The following ODR4 variants were observed in gnomAD, a reference collection of about 807,000 sequenced individuals.
ODR4 encodes the protein odr-4 GPCR localization factor homolog.
ODR4 carries 47 observed loss-of-function variants against 60.2 expected under a neutral mutation model. The observed-to-expected ratio is 0.78, with a 90% confidence interval of 0.62 to 1.00. The LOEUF (loss-of-function observed/expected upper bound fraction) is 1.00. ODR4 is among the 50% of genes least tolerant of loss of function. The probability of loss-of-function intolerance (pLI) is 0.00; values close to 1 mark genes in which losing one functional copy is unlikely to be tolerated. For missense variants in ODR4, 488 were observed against 530.8 expected, an observed-to-expected ratio of 0.92 and a Z score of 0.79; for synonymous variants, 178 against 175.5, an observed-to-expected ratio of 1.01 and a Z score of -0.11.
intron 11 of ODR4, chr1:186,400,631 G>C (rs981360754): frequency 1.2e-5 from 2 of 167,602 alleles, no homozygotes; most frequent in Admixed American, 1.3e-4. Context: ...AAAAAGCATA[G>C]CTCCTCTATA....
chr1:186,410,599 T>TA (rs1661342675), intron 12 of ODR4, among the ~76,000 whole-genome samples: 1 of 152,174 alleles, frequency 6.6e-6, no homozygotes, highest in Admixed American at 6.5e-5. Context: ...CCATCAAGAT[T>TA]AGTGATCAGA....
intron 11 of ODR4, among the ~76,000 whole-genome samples, chr1:186,402,109 C>T (rs16825292): frequency 0.045 from 6,873 of 151,876 alleles, 508 homozygotes; most frequent in African/African-American, 0.16. Context: ...TTTCTTTCTA[C>T]GAAGACAAGT....
intron 9 of ODR4, among the ~76,000 whole-genome samples, chr1:186,395,537 A>G (rs926017514): frequency 6.7e-4 from 102 of 152,102 alleles, no homozygotes; most frequent in Non-Finnish European, 5.9e-5. Flanking sequence ...AGTCTTATTG[A>G]TTCCTTATTT....
At chr1:186,429,644 A>G in the ODR4 span, among the ~76,000 whole-genome samples, 1 of 151,028 alleles carries the variant, frequency 6.6e-6, no homozygotes, top group Non-Finnish European at 1.5e-5. Context: ...TCTTTTACCT[A>G]CCCCTACAAT....
intron 7 of ODR4, 65 bp from the exon 8 acceptor site, chr1:186,391,631 A>G: frequency 1.0e-6 from 1 of 975,080 alleles, no homozygotes; most frequent in Non-Finnish European, 1.6e-6. Flanking sequence ...AACAAAGTAG[A>G]TTATAGGAAG....
Position 186,393,937 on chromosome 1 carries a change from G to A in ODR4, c.712-10G>A, listed in dbSNP as rs1252472397. Reference sequence around the variant, plus strand: ...CACAGTTTGGCTTTTTAACTTTTGTGTTTTTTCAGAAAAAATCTTCTAGAG... The same window carrying A: ...CACAGTTTGGCTTTTTAACTTTTGTATTTTTTCAGAAAAAATCTTCTAGAG... On this transcript the variant is annotated splice_polypyrimidine_tract_variant and intron_variant, in intron 8 of 13. Transcript: ENST00000287859. The A allele has an allele frequency of 1.3e-6, 2 of 1,483,984 alleles. No individual in the cohort carries two copies. The highest frequency in any genetic ancestry group is 1.8e-6 in the Non-Finnish European group (2 of 1,089,108). 91.9% of individuals were successfully genotyped at this position (1,483,984 alleles called of 1,614,324 possible). A position where few individuals can be genotyped will look rare whatever the true frequency, so the allele number is the denominator to read the frequency against.
the ODR4 span, among the ~76,000 whole-genome samples, chr1:186,434,378 G>A: frequency 6.6e-6 from 1 of 152,088 alleles, no homozygotes; most frequent in Non-Finnish European, 1.5e-5. Context: ...CCTCATAACT[G>A]TTAAATTGAA....
chr1:186,384,534 C>G (rs1660170576), intron 3 of ODR4, among the ~76,000 whole-genome samples: 1 of 150,564 alleles, frequency 6.6e-6, no homozygotes, highest in Non-Finnish European at 1.5e-5. Context: ...TAACTTTCTA[C>G]TCTAATTTTG....
intron 4 of ODR4, among the ~76,000 whole-genome samples, chr1:186,386,824 A>G (rs1571666266): frequency 6.6e-6 from 1 of 152,158 alleles, no homozygotes; most frequent in African/African-American, 2.4e-5. Flanking sequence ...TAAAACATAA[A>G]CAATCAGATT....
the ODR4 span, among the ~76,000 whole-genome samples, chr1:186,431,261 G>T: frequency 3.3e-5 from 5 of 152,124 alleles, no homozygotes; most frequent in African/African-American, 9.7e-5. Flanking sequence ...TGAAAATAAA[G>T]ATTTGTAAGA....
At chr1:186,400,030 C>T (rs1355505055) in intron 11 of ODR4, among the ~76,000 whole-genome samples, 3 of 117,274 alleles carry the variant, frequency 2.6e-5, no homozygotes, top group Admixed American at 1.2e-4. Context: ...TTCGCTCTGT[C>T]GCCCAGGCTG....
intron 9 of ODR4, among the ~76,000 whole-genome samples, chr1:186,394,441 A>T (rs1660593613): frequency 1.3e-5 from 2 of 152,186 alleles, no homozygotes; most frequent in Admixed American, 1.3e-4. Flanking sequence ...ATCACAAAGT[A>T]TTAATTAGCA....
Position 186,393,956 on chromosome 1 carries a change from T to A in ODR4, c.721T>A (p.Ser241Thr). 1.3e-6 allele frequency: 2 copies of A among 1,517,160 alleles called. No homozygotes were observed. The highest frequency in any genetic ancestry group is 1.8e-6 in the Non-Finnish European group (2 of 1,119,062). The allele number at this position is 1,517,160 out of a possible 1,614,324, so 94.0% of individuals were successfully genotyped here. ...TTTTGTGTTTTTTCAGAAAAAATCT[T>A]CTAGAGGAAATACTCAAGCAACTAG... ...CDLLEGQKKS[S>T]RGNTQATSHS... Residue 241 changes from serine to threonine, a missense_variant, in exon 9 of 14, where the codon TCT becomes ACT. Coordinates refer to ENST00000287859, the MANE Select transcript of ODR4 (RefSeq NM_017847.6).
Position 186,386,011 on chromosome 1 carries a change from A to C in ODR4, c.258A>C (p.Gly86=). The stretch of plus-strand genomic sequence containing the variant: ...AGGTATCCAGAATGCTACCAGGGGG[A>C]CTTTTAGTTCTTGGAGTATTTATTA... ...ACQVSRMLPG[G]LLVLGVFIIT... The change falls in exon 4 of 14, where the codon GGA becomes GGC. Residue 86 remains glycine, a synonymous_variant. Coordinates refer to ENST00000287859, the MANE Select transcript of ODR4 (RefSeq NM_017847.6). 1 of 1,601,740 alleles carries C rather than the reference A, an allele frequency of 6.2e-7. No homozygotes were observed. The highest frequency in any genetic ancestry group is 8.5e-7 in the Non-Finnish European group (1 of 1,171,834).
intron 11 of ODR4, among the ~76,000 whole-genome samples, chr1:186,405,040 A>G (rs1021694751): frequency 1.3e-5 from 2 of 152,188 alleles, no homozygotes; most frequent in African/African-American, 4.8e-5. Flanking sequence ...GTAAGTATTC[A>G]CAGAAGAATG....
intron 4 of ODR4, 142 bp downstream of exon 4, chr1:186,386,225 G>T: frequency 4.0e-6 from 2 of 498,178 alleles, no homozygotes; most frequent in Non-Finnish European, 3.5e-6. Flanking sequence ...AAAAGCTTTT[G>T]TCACTCAATT....
At chr1:186,405,201 G>T (rs1303342977) in intron 11 of ODR4, among the ~76,000 whole-genome samples, 1 of 152,134 alleles carries the variant, frequency 6.6e-6, no homozygotes, top group Non-Finnish European at 1.5e-5. Context: ...TTGGTAGTGA[G>T]ATAGGTACAC....
chr1:186,393,313 G>T (rs1292128864), intron 8 of ODR4, among the ~76,000 whole-genome samples: 1 of 152,150 alleles, frequency 6.6e-6, no homozygotes, highest in Non-Finnish European at 1.5e-5. Flanking sequence ...AAAAGAAAAT[G>T]ATGTAATTGG....
the ODR4 span, among the ~76,000 whole-genome samples, chr1:186,431,855 G>C: frequency 6.6e-6 from 1 of 152,128 alleles, no homozygotes; most frequent in Admixed American, 6.6e-5. Context: ...ACTTTCATGG[G>C]GATGGTGTAG....
Sources: gnomAD v4.1 joint callset for allele counts (sites outside exome capture counted in the v4.1 genomes callset) on GRCh38, gnomAD v4.1.1 for gene constraint, MANE v1.5 for transcripts, NCBI Gene and HGNC (gene_info 2026-07-23, HGNC 2026-07-21) for gene names.